Variants in COL2A1 observed in about 807,000 individuals in gnomAD.
The protein encoded by COL2A1 is collagen type II alpha 1 chain, also known as collagen alpha-1(II) chain.
A neutral mutation model predicts 204.5 loss-of-function variants in COL2A1; 28 were observed. That is an observed-to-expected ratio of 0.14 (90% confidence interval 0.10 to 0.19). The LOEUF is 0.19. COL2A1 is among the 10% of genes least tolerant of loss of function. The pLI is 1.00. For synonymous variants in COL2A1, 708 were observed against 718.7 expected, an observed-to-expected ratio of 0.99 and a Z score of 0.24; for missense variants, 1,388 against 2,027.5, an observed-to-expected ratio of 0.68 and a Z score of 6.06.
chr12:48,002,737 A>C (rs998544424), intron 1 of COL2A1: 3 of 152,260 alleles, frequency 2.0e-5, no homozygotes, highest in Admixed American at 2.0e-4. Flanking sequence ...ACAAAAATAT[A>C]GTCAGTCTGA....
In COL2A1 at chr12:47,978,633, A is replaced by G; in HGVS notation, c.2859T>C (p.Pro953=). 1 of 1,613,500 alleles carries G rather than the reference A, an allele frequency of 6.2e-7. No individual in the cohort carries two copies. Among genetic ancestry groups the G allele is most frequent in the Non-Finnish European group, 8.5e-7 (1 of 1,179,986 alleles). The change falls in exon 42 of 54, where the codon CCT becomes CCC. Residue 953 remains proline, a synonymous_variant. Transcript: ENST00000380518. This position sits in a 1 kb window ranked among gnomAD's most constrained non-coding sequence, Gnocchi z 5.5. ...CATCTCCAGGCTCTCCCTTCTCGCCAGGGGGTCCAGCAGGACCTTGGAGGC... is the reference window on the plus strand; with the variant it reads ...CATCTCCAGGCTCTCCCTTCTCGCCGGGGGGTCCAGCAGGACCTTGGAGGC... ...EPGLQGPAGP[P]GEKGEPGDDG... is the part of the protein sequence containing the mutation.
chr12:47,993,671 G>GAAC, intron 14 of COL2A1, 138 bp downstream of exon 14: 1 of 1,134,782 alleles, frequency 8.8e-7, no homozygotes, highest in Non-Finnish European at 1.3e-6. Flanking sequence ...GGCCCATCAG[G>GAAC]ATGTAGGGCT....
intron 34 of COL2A1, 29 bp from the exon 35 acceptor site, chr12:47,982,189 G>T (rs1229712785): frequency 6.9e-6 from 11 of 1,604,066 alleles, no homozygotes; most frequent in Non-Finnish European, 9.4e-6. Flanking sequence ...AGCCGCCTCA[G>T]CCAGGCACCC....
chr12:48,000,064 CG>C lies in COL2A1; in HGVS notation c.146del (p.Pro49ArgfsTer19). On this transcript the variant is annotated frameshift_variant, in exon 2 of 54. Transcript: ENST00000380518. LOFTEE classifies it high-confidence loss of function. ...QRYNDKDVWK[P>X]EPCRICVCDT... The stretch of plus-strand genomic sequence containing the variant: ...CACAGACACAGATCCGGCAGGGCTC[CG>C]GCTTCCACACATCCTTATCATTATA... The C allele has an allele frequency of 6.2e-7, 1 of 1,613,894 alleles. No individual in the cohort carries two copies. Among genetic ancestry groups the C allele is most frequent in the Non-Finnish European group, 8.5e-7 (1 of 1,179,998 alleles).
rs1938875095 is a variant in COL2A1 at position 47,978,774 on chromosome 12, G to A, written c.2734-16C>T. ...CAGGGTTGCCCTAGAAGGAGAAAAT[G>A]CGGGAAGTGAGGACTCATCTCACCC... On this transcript the variant is annotated splice_polypyrimidine_tract_variant and intron_variant, in intron 41 of 53. Transcript: ENST00000380518. This position sits in a 1 kb window ranked among gnomAD's most constrained non-coding sequence, Gnocchi z 5.5. 1 of 1,611,256 alleles carries A rather than the reference G, an allele frequency of 6.2e-7. No homozygotes were observed. Among genetic ancestry groups the A allele is most frequent in the Non-Finnish European group, 8.5e-7 (1 of 1,179,794 alleles).
Position 47,982,896 on chromosome 12 carries a change from G to A in COL2A1, c.2145C>T (p.Leu715=), listed in dbSNP as rs1565678302. The A allele has an allele frequency of 1.2e-6, 2 of 1,613,110 alleles. No individual in the cohort carries two copies. Among genetic ancestry groups the A allele is most frequent in the Admixed American group, 1.7e-5 (1 of 59,996 alleles). ...TGCCGGGGAGGCCACGGGGACCCTGGAGGCCCTGGGCACCGGGAGAGCCAC... is the reference window on the plus strand; with the variant it reads ...TGCCGGGGAGGCCACGGGGACCCTGAAGGCCCTGGGCACCGGGAGAGCCAC... ...GERGSPGAQG[L]QGPRGLPGTP... The change falls in exon 33 of 54, where the codon CTC becomes CTT. Residue 715 remains leucine, a synonymous_variant. Coordinates refer to ENST00000380518, the MANE Select transcript of COL2A1 (RefSeq NM_001844.5).
In COL2A1 at chr12:47,980,926, C is replaced by A. The variant is rs1180343069; in HGVS notation, c.2506G>T (p.Ala836Ser). 4 of 1,552,626 alleles carry A rather than the reference C, an allele frequency of 2.6e-6. No homozygotes were observed. The highest frequency in any genetic ancestry group is 2.0e-5 in the Admixed American group (1 of 51,206). Residue 836 changes from alanine (A) to serine (S), a missense_variant, in exon 38 of 54, where the codon GCT (alanine) becomes TCT (serine). Physicochemically the swap from Ala to Ser is moderately conservative, Grantham distance 99. This residue lies in a region of COL2A1 where 884 missense variants were observed against 1,415.8 expected (regional missense o/e 0.62). Coordinates refer to ENST00000380518, the MANE Select transcript of COL2A1 (RefSeq NM_001844.5). The surrounding 1 kb of genome is among the most constrained non-coding windows in gnomAD (Gnocchi z 4.5). ...ETGPPGPAGF[A>S]GPPGADGQPG... The stretch of plus-strand genomic sequence containing the variant: ...ACAGAGATACTCACAGGAGGCCCAG[C>A]AAATCCCGCTGGTCCGGGGGGCCCA...
rs34642877 is a variant in COL2A1 at position 47,986,548 on chromosome 12, T to TG, written c.1420-106dup. 0.23 allele frequency: 152,168 copies of TG among 653,556 alleles called. 9,931 individuals are homozygous for TG. Among genetic ancestry groups the TG allele is most frequent in the Non-Finnish European group, 0.27 (101,492 of 374,818 alleles). 40.5% of individuals were successfully genotyped at this position (653,556 alleles called of 1,614,324 possible). A position where few individuals can be genotyped will look rare whatever the true frequency, so the allele number is the denominator to read the frequency against. ...GTAGCCTTGGCAACTGTTTCAGGGC[T>TG]GGGGGGGGGCTTGAGGACGAGAGGC... On this transcript the variant is annotated intron_variant, in intron 22 of 53. Coordinates refer to ENST00000380518, the MANE Select transcript of COL2A1 (RefSeq NM_001844.5).
At chr12:47,995,983 A>G (rs1029426783) in intron 8 of COL2A1, 64 bp from the exon 9 acceptor site, 33 of 1,343,840 alleles carry the variant, frequency 2.5e-5, no homozygotes, top group African/African-American at 2.2e-4. Context: ...CCAGTGTGCC[A>G]TCTTCTCCCA....
intron 41 of COL2A1, 93 bp downstream of exon 41, chr12:47,979,418 G>T: frequency 1.5e-6 from 2 of 1,355,172 alleles, no homozygotes; most frequent in Non-Finnish European, 1.1e-6. Context: ...TCAGAGGAGT[G>T]AAGGCCAGCC....
intron 1 of COL2A1, among the ~76,000 whole-genome samples, chr12:48,001,257 G>A (rs929636045): frequency 5.1e-5 from 3 of 59,366 alleles, no homozygotes; most frequent in African/African-American, 1.5e-4. Context: ...CAAACCCAGA[G>A]GGCGAGAAAG....
In COL2A1 at chr12:47,978,001, A is replaced by G. The variant is rs918900950; in HGVS notation, c.3111+9T>C. ...AATCAGGGCCACCCCAGGGGGTCTC[A>G]CTGCTCACCTCTCGTCCAGGTTCAC... On this transcript the variant is annotated intron_variant, in intron 44 of 53. Coordinates refer to ENST00000380518, the MANE Select transcript of COL2A1 (RefSeq NM_001844.5). The surrounding 1 kb of genome is among the most constrained non-coding windows in gnomAD (Gnocchi z 5.5). 7 of 1,611,996 alleles carry G rather than the reference A, an allele frequency of 4.3e-6. No individual in the cohort carries two copies. In the African/African-American group the frequency reaches 8.0e-5, roughly 18 times the overall value.
At chr12:47,979,805 G>C (rs970425060) in intron 40 of COL2A1, among the ~76,000 whole-genome samples, 1 of 152,212 alleles carries the variant, frequency 6.6e-6, no homozygotes, top group Non-Finnish European at 1.5e-5. Flanking sequence ...CGAGGGACAA[G>C]CCTCGGGCTG....
chr12:47,988,694 G>T (rs740022), intron 18 of COL2A1, among the ~76,000 whole-genome samples: 30,680 of 152,232 alleles, frequency 0.2, 3,297 homozygotes, highest in East Asian at 0.31. Context: ...GGGCTGCGAG[G>T]CCTGTCCCTG....
intron 30 of COL2A1, 38 bp downstream of exon 30, chr12:47,983,645 G>A: frequency 6.3e-7 from 1 of 1,578,768 alleles, no homozygotes; most frequent in Non-Finnish European, 8.6e-7. Context: ...CCTGGGTATG[G>A]CAAAGGACTG....
At position 48,000,043 on chromosome 12, in the gene COL2A1, G is replaced by A. The variant is rs1421758912; in HGVS notation, c.168C>T (p.Val56=). 1.2e-6 allele frequency: 2 copies of A among 1,614,022 alleles called. No individual in the cohort carries two copies. Among genetic ancestry groups the A allele is most frequent in the African/African-American group, 2.7e-5 (2 of 75,006 alleles). ...CGCAGAGGACAGTCCCAGTGTCACAGACACAGATCCGGCAGGGCTCCGGCT... is the reference window on the plus strand; with the variant it reads ...CGCAGAGGACAGTCCCAGTGTCACAAACACAGATCCGGCAGGGCTCCGGCT... ...VWKPEPCRIC[V]CDTGTVLCDD... Residue 56 remains valine, a synonymous_variant, in exon 2 of 54, where the codon GTC becomes GTT. Transcript: ENST00000380518.
At chr12:47,985,229 T>TCACA (rs928854958) in intron 26 of COL2A1, 136 bp from the exon 27 acceptor site, 310 of 764,250 alleles carry the variant, frequency 4.1e-4, no homozygotes, top group Middle Eastern at 2.6e-3. Context: ...ATTGACCACA[T>TCACA]CACACCCATG....
At chr12:47,998,536 ACAAT>A (rs1940074936) in intron 2 of COL2A1, 105 bp from the exon 3 acceptor site, 2 of 1,248,034 alleles carry the variant, frequency 1.6e-6, no homozygotes, top group African/African-American at 1.5e-5. Context: ...GTAAAAGGAC[ACAAT>A]CAAGGAAGGC....
At chr12:47,974,601 G>T in intron 52 of COL2A1, 74 bp downstream of exon 52, 1 of 1,541,808 alleles carries the variant, frequency 6.5e-7, no homozygotes, top group Non-Finnish European at 9.0e-7. Flanking sequence ...GGTGCTAAAA[G>T]CTTCCAGGGA....
Sources: gnomAD v4.1 joint callset for allele counts (sites outside exome capture counted in the v4.1 genomes callset) on GRCh38, gnomAD v4.1.1 for gene constraint, gnomAD v4.1.1 regional missense constraint, Gnocchi (gnomAD v3.1) non-coding constraint, MANE v1.5 for transcripts, NCBI Gene and HGNC (gene_info 2026-07-23, HGNC 2026-07-21) for gene names.